Variants in SLC25A48 observed in about 807,000 individuals in gnomAD.
SLC25A48 encodes the protein CTC-321K16.1.
SLC25A48 carries 29 observed loss-of-function variants against 32.2 expected under a neutral mutation model. The observed-to-expected ratio is 0.90, with a 90% CI of 0.67 to 1.23. The LOEUF is 1.23. Among genes scored for constraint, SLC25A48 ranks in the 50% most tolerant of loss-of-function variants. SLC25A48 has a pLI of 0.00. For missense variants in SLC25A48, 399 were observed against 422.7 expected, an observed-to-expected ratio of 0.94 and a Z score of 0.49; for synonymous variants, 164 against 172.3, an observed-to-expected ratio of 0.95 and a Z score of 0.38.
intron 1 of SLC25A48, among the ~76,000 whole-genome samples, chr5:135,609,988 A>G (rs1190235921): frequency 3.3e-5 from 5 of 152,208 alleles, no homozygotes; most frequent in African/African-American, 1.2e-4. Context: ...GCTCACTTTT[A>G]TAAAAATATG....
chr5:135,626,227 A>C (rs1427044464), intron 1 of SLC25A48, among the ~76,000 whole-genome samples: 1 of 152,346 alleles, frequency 6.6e-6, no homozygotes, highest in South Asian at 2.1e-4. Context: ...CAATGAGCTT[A>C]TTTAAAGTGA....
chr5:135,775,072 T>C (rs1420932189), intron 3 of SLC25A48, among the ~76,000 whole-genome samples: 1 of 151,712 alleles, frequency 6.6e-6, no homozygotes, highest in African/African-American at 2.4e-5. Context: ...GTTCCCAATA[T>C]ATAGTGAAGG....
intron 3 of SLC25A48, among the ~76,000 whole-genome samples, chr5:135,766,283 G>A (rs1173374974): frequency 6.6e-6 from 1 of 151,572 alleles, no homozygotes; most frequent in Non-Finnish European, 1.5e-5. Context: ...TCTGGGGAGT[G>A]GGTGAAAGGA....
intron 3 of SLC25A48, among the ~76,000 whole-genome samples, chr5:135,750,867 C>A (rs1755754390): frequency 6.7e-6 from 1 of 149,874 alleles, no homozygotes; most frequent in Non-Finnish European, 1.5e-5. Context: ...CAAGCAAAAA[C>A]TTATAATAGG....
At position 135,888,023 on chromosome 5, in the gene SLC25A48, T is replaced by C. The variant is rs764804314; in HGVS notation, c.*8-9T>C. 3.9e-6 allele frequency: 6 copies of C among 1,551,372 alleles called. No individual in the cohort carries two copies. The East Asian group carries it at 9.8e-5, about 25-fold the overall frequency. ...TCTTCTCTGAGTCTGGGTTGTTTGC[T>C]GTTTCCAGGAGGTGAACACAGGATG... On this transcript the variant is annotated splice_polypyrimidine_tract_variant and intron_variant, in intron 7 of 7. Transcript: ENST00000681962.
chr5:135,743,034 CCTTT>C, intron 3 of SLC25A48, among the ~76,000 whole-genome samples: 1 of 33,458 alleles, frequency 3.0e-5, no homozygotes, highest in Non-Finnish European at 5.7e-5. Flanking sequence ...CCCTCCCTTC[CCTTT>C]CCTTCCCCTC....
At chr5:135,812,633 G>A (rs1250904861) in exon 4 of SLC25A48, 1 of 152,306 alleles carries the variant, frequency 6.6e-6, no homozygotes, top group Non-Finnish European at 1.5e-5. Flanking sequence ...CCCTAAGTGT[G>A]GCTTATCTGC....
rs765681131 is a variant in SLC25A48, at chr5:135,852,816, G to T, written c.416G>T (p.Arg139Leu). 3 of 1,604,136 alleles carry T rather than the reference G, an allele frequency of 1.9e-6. No individual in the cohort carries two copies. In the Admixed American group the frequency reaches 5.0e-5, roughly 27 times the overall value. ...TTGCAGATGCAGACACAACCGTTTCGGGACGGTAAGAGGCCAGGGGAGCGG... is the reference window on the plus strand; with the variant it reads ...TTGCAGATGCAGACACAACCGTTTCTGGACGGTAAGAGGCCAGGGGAGCGG... The part of the protein sequence containing the change: ...IRLQMQTQPF[R>L]DANLGLKSRA... The change falls in exon 4 of 8, where the codon CGG (arginine) becomes CTG (leucine). Residue 139 changes from arginine to leucine, a missense_variant. By Grantham distance (102) the Arg-to-Leu change is moderately radical. Transcript: ENST00000681962.
intron 1 of SLC25A48, among the ~76,000 whole-genome samples, chr5:135,606,475 G>A (rs764301354): frequency 1.2e-4 from 19 of 152,238 alleles, no homozygotes; most frequent in Non-Finnish European, 2.2e-4. Context: ...CAAAGTGACT[G>A]TGCTGTATCT....
chr5:135,647,864 G>A (rs1049579815), intron 3 of SLC25A48, among the ~76,000 whole-genome samples: 1 of 152,100 alleles, frequency 6.6e-6, no homozygotes, highest in African/African-American at 2.4e-5. Context: ...CTCTTCTCTG[G>A]GAGCACTGCT....
chr5:135,740,967 A>G (rs1755489763), intron 3 of SLC25A48, among the ~76,000 whole-genome samples: 1 of 152,252 alleles, frequency 6.6e-6, no homozygotes, highest in Non-Finnish European at 1.5e-5. Context: ...TCTCTAAGGC[A>G]GATAAAATCA....
At chr5:135,710,464 C>T (rs1332174627) in intron 3 of SLC25A48, among the ~76,000 whole-genome samples, 3 of 152,196 alleles carry the variant, frequency 2.0e-5, no homozygotes, top group African/African-American at 7.2e-5. Flanking sequence ...TGATCACTGA[C>T]AAAGGCAGGC....
intron 3 of SLC25A48, among the ~76,000 whole-genome samples, chr5:135,738,593 A>G (rs532039515): frequency 6.6e-6 from 1 of 152,282 alleles, no homozygotes; most frequent in Non-Finnish European, 1.5e-5. Context: ...TAGTCCTTGC[A>G]CAAGTTGCTT....
chr5:135,720,595 ATGGGT>A (rs539831584), intron 3 of SLC25A48, among the ~76,000 whole-genome samples: 17 of 152,352 alleles, frequency 1.1e-4, no homozygotes, highest in Admixed American at 3.9e-4. Flanking sequence ...GTTCCCCAGA[ATGGGT>A]TGATGCTGTG....
chr5:135,624,923 C>A (rs978314043), intron 1 of SLC25A48, among the ~76,000 whole-genome samples: 2 of 152,208 alleles, frequency 1.3e-5, no homozygotes, highest in Non-Finnish European at 2.9e-5. Context: ...ATGTGGTTTC[C>A]TTCTCTGTAT....
chr5:135,858,994 A>G (rs1377205335), intron 4 of SLC25A48, among the ~76,000 whole-genome samples: 1 of 152,116 alleles, frequency 6.6e-6, no homozygotes, highest in Non-Finnish European at 1.5e-5. Flanking sequence ...GTCACCAGGC[A>G]GTGTTTTCTG....
At chr5:135,653,727 T>G in intron 3 of SLC25A48, 4 of 443,106 alleles carry the variant, frequency 9.0e-6, no homozygotes, top group Non-Finnish European at 1.8e-5. Flanking sequence ...TAAGCTTCCT[T>G]TGGAAGATAA....
chr5:135,853,191 C>G (rs1055542384), intron 4 of SLC25A48, among the ~76,000 whole-genome samples: 1 of 152,202 alleles, frequency 6.6e-6, no homozygotes, highest in Admixed American at 6.5e-5. Flanking sequence ...GAGTCGTAAT[C>G]TTTCTGCCAG....
rs1425339155 is a variant in SLC25A48, at chr5:135,781,725, A to G, written c.-520-30798A>G. On this transcript the variant is annotated intron_variant, in intron 3 of 10. Coordinates refer to the SLC25A48 transcript ENST00000646290. ...AGAATGATATTACTCTCAATATTGC[A>G]GGTGCTGTACACTACCTTTGTGTTG... 1.7e-5 allele frequency among the ~76,000 whole-genome samples: 2 copies of G among 116,762 alleles called. 1 individual carries two copies. Among genetic ancestry groups the G allele is most frequent in the Admixed American group, 1.7e-4 (2 of 11,438 alleles). The allele number at this position is 116,762 out of a possible 152,430, so 76.6% of individuals were successfully genotyped here. A position where few individuals can be genotyped will look rare whatever the true frequency, so the allele number is the denominator to read the frequency against.
Sources: allele counts gnomAD v4.1 joint callset (sites outside exome capture counted in the v4.1 genomes callset), GRCh38; gene constraint gnomAD v4.1.1; transcripts MANE v1.5; gene names NCBI Gene and HGNC (gene_info 2026-07-23, HGNC 2026-07-21).